Variants in NOS1AP observed in about 807,000 individuals in gnomAD.
NOS1AP encodes nitric oxide synthase 1 adaptor protein.
NOS1AP carries 21 observed loss-of-function variants against 56.2 expected under a neutral mutation model. The observed-to-expected ratio is 0.37, with a 90% CI of 0.26 to 0.54. The LOEUF is 0.54. NOS1AP is among the 20% of genes least tolerant of loss of function. NOS1AP has a pLI of 0.84. For missense variants in NOS1AP, 522 were observed against 657.8 expected (o/e 0.79, Z 2.26); for synonymous variants, 270 against 274.6 (o/e 0.98, Z 0.17).
chr1:162,143,167 T>TG (rs1416018423), intron 1 of NOS1AP, among the ~76,000 whole-genome samples: 5 of 151,566 alleles, frequency 3.3e-5, no homozygotes, highest in African/African-American at 1.2e-4. Flanking sequence ...GGGTGGCAGG[T>TG]GGGGGTGTTT....
intron 4 of NOS1AP, among the ~76,000 whole-genome samples, chr1:162,301,756 T>A (rs1299119654): frequency 1.3e-5 from 2 of 152,206 alleles, no homozygotes; most frequent in Non-Finnish European, 2.9e-5. Flanking sequence ...TGGCCATTCC[T>A]TTAGGAATTT....
intron 2 of NOS1AP, among the ~76,000 whole-genome samples, chr1:162,282,983 A>T (rs891693076): frequency 6.6e-6 from 1 of 152,092 alleles, no homozygotes; most frequent in African/African-American, 2.4e-5. Context: ...CCTGCTTCCT[A>T]TGAAGCAGGT....
chr1:162,156,701 T>A (rs1365305484), intron 2 of NOS1AP, among the ~76,000 whole-genome samples: 1 of 152,222 alleles, frequency 6.6e-6, no homozygotes, highest in Non-Finnish European at 1.5e-5. Context: ...TAGCTACTAT[T>A]AGGAATAGCT....
At chr1:162,159,171 C>T (rs1022082769) in intron 2 of NOS1AP, among the ~76,000 whole-genome samples, 5 of 152,130 alleles carry the variant, frequency 3.3e-5, no homozygotes, top group African/African-American at 1.2e-4. Flanking sequence ...ATATGAACAC[C>T]AGTCTGTCGT....
intron 2 of NOS1AP, among the ~76,000 whole-genome samples, chr1:162,276,524 TAAA>T (rs200334461): frequency 6.2e-5 from 8 of 129,216 alleles, no homozygotes; most frequent in Non-Finnish European, 5.1e-5. Flanking sequence ...CTGGGTAGCT[TAAA>T]AAAAAAAAAA....
chr1:162,341,984 T>C (rs1448033481), intron 5 of NOS1AP, among the ~76,000 whole-genome samples: 1 of 152,132 alleles, frequency 6.6e-6, no homozygotes, highest in Admixed American at 6.5e-5. Context: ...TTAGGACTGA[T>C]GCCTACTGCT....
rs1316897616 is a variant in NOS1AP at position 162,368,826 on chromosome 1, G to A, written c.*1359G>A. 1 of 152,200 alleles carries A rather than the reference G, an allele frequency of 6.6e-6. No individual in the cohort carries two copies. The highest frequency in any genetic ancestry group is 1.5e-5 in the Non-Finnish European group (1 of 68,044). The allele number at this position is 152,200 out of a possible 1,614,324, so 9.4% of individuals were successfully genotyped here. On this transcript the variant is annotated 3_prime_UTR_variant, in exon 10 of 10. Transcript: ENST00000361897. ...ATTAAGTCTTTATCCTAGACAACAAGGTACAGATGCAAACTGCAGTGTTAT... is the reference window on the plus strand; with the variant it reads ...ATTAAGTCTTTATCCTAGACAACAAAGTACAGATGCAAACTGCAGTGTTAT...
chr1:162,349,494 T>C (rs1358064743), intron 6 of NOS1AP, among the ~76,000 whole-genome samples: 3 of 152,204 alleles, frequency 2.0e-5, no homozygotes, highest in Admixed American at 6.5e-5. Context: ...CTGGAACCAC[T>C]GGGACTTGAA....
chr1:162,207,640 G>C (rs900269163), intron 2 of NOS1AP, among the ~76,000 whole-genome samples: 2 of 152,170 alleles, frequency 1.3e-5, no homozygotes, highest in South Asian at 4.1e-4. Flanking sequence ...GTAGTTCCTG[G>C]TTGGTGTAGT....
intron 1 of NOS1AP, among the ~76,000 whole-genome samples, chr1:162,117,114 A>C (rs1055125022): frequency 6.6e-6 from 1 of 152,234 alleles, no homozygotes; most frequent in Non-Finnish European, 1.5e-5. Flanking sequence ...TGTGGACAGC[A>C]TTAATCAATT....
intron 2 of NOS1AP, among the ~76,000 whole-genome samples, chr1:162,272,527 C>T (rs571200982): frequency 1.3e-5 from 2 of 152,234 alleles, no homozygotes; most frequent in African/African-American, 4.8e-5. Flanking sequence ...AGAGATGACG[C>T]GAGGAAGAAC....
At position 162,287,364 on chromosome 1, in the gene NOS1AP, C is replaced by T; in HGVS notation, c.198C>T (p.Asn66=). The change falls in exon 3 of 10, where the codon AAC becomes AAT. Residue 66 remains asparagine, a synonymous_variant. Coordinates refer to ENST00000361897, the MANE Select transcript of NOS1AP (RefSeq NM_014697.3). The part of the protein sequence containing the change: ...RRIRYEFKAK[N]IKKKKVSIMV... The stretch of plus-strand genomic sequence containing the variant: ...TGCAGTATGAGTTTAAAGCCAAGAA[C>T]ATCAAGAAGAAGAAAGTGAGCATTA... 6.2e-6 allele frequency: 10 copies of T among 1,612,288 alleles called. No individual in the cohort carries two copies. Among genetic ancestry groups the T allele is most frequent in the Non-Finnish European group, 8.5e-6 (10 of 1,178,404 alleles).
chr1:162,274,576 A>C (rs1654682293), intron 2 of NOS1AP, among the ~76,000 whole-genome samples: 1 of 152,176 alleles, frequency 6.6e-6, no homozygotes, highest in African/African-American at 2.4e-5. Context: ...CATTTCCCTA[A>C]CAGCTAATGA....
chr1:162,335,921 T>C (rs1031336768), intron 5 of NOS1AP, among the ~76,000 whole-genome samples: 11 of 152,198 alleles, frequency 7.2e-5, no homozygotes, highest in African/African-American at 1.9e-4. Context: ...CCTTGTTCCC[T>C]GCACAGCTAT....
chr1:162,222,380 T>C (rs1418328954), intron 2 of NOS1AP, among the ~76,000 whole-genome samples: 2 of 152,218 alleles, frequency 1.3e-5, no homozygotes, highest in East Asian at 3.8e-4. Context: ...GACCTTTTAC[T>C]TGACTGATGT....
At chr1:162,265,723 T>C (rs4497188) in intron 2 of NOS1AP, among the ~76,000 whole-genome samples, 150,220 of 152,312 alleles carry the variant, frequency 0.99, 74,107 homozygotes, top group Middle Eastern at 1. Flanking sequence ...TGCTTGAGAT[T>C]ATTTAGCCAG....
intron 1 of NOS1AP, among the ~76,000 whole-genome samples, chr1:162,100,592 A>G (rs1386553588): frequency 6.6e-6 from 1 of 151,518 alleles, no homozygotes; most frequent in Non-Finnish European, 1.5e-5. Flanking sequence ...CTGCCTGTTC[A>G]CTCTGATGGT....
At chr1:162,076,927 T>C (rs201761693) in intron 1 of NOS1AP, among the ~76,000 whole-genome samples, 1 of 152,238 alleles carries the variant, frequency 6.6e-6, no homozygotes, top group East Asian at 1.9e-4. Context: ...ACTTAATTCC[T>C]TTATATGGCT....
At chr1:162,218,006 G>T (rs1343403973) in intron 2 of NOS1AP, among the ~76,000 whole-genome samples, 1 of 152,176 alleles carries the variant, frequency 6.6e-6, no homozygotes, top group South Asian at 2.1e-4. Context: ...TCTTGCTACA[G>T]ATGAAGAAAC....
Sources: allele counts gnomAD v4.1 joint callset (sites outside exome capture counted in the v4.1 genomes callset), GRCh38; gene constraint gnomAD v4.1.1; transcripts MANE v1.5; gene names NCBI Gene and HGNC (gene_info 2026-07-23, HGNC 2026-07-21).